Variants in SUSD4 observed in about 807,000 individuals in gnomAD.
SUSD4 encodes sushi domain containing 4.
SUSD4 carries 41 observed loss-of-function variants against 50.5 expected under a neutral mutation model. The ratio of observed to expected loss-of-function variants is 0.81; its 90% CI spans 0.63 to 1.05. SUSD4 has a LOEUF of 1.05. SUSD4 is among the 50% of genes least tolerant of loss of function. The pLI, the probability that SUSD4 is intolerant of heterozygous loss-of-function variation, is 0.00. For synonymous variants in SUSD4, 257 were observed against 257.3 expected (o/e 1.00, Z 0.01); for missense variants, 580 against 634.7 (o/e 0.91, Z 0.93).
At chr1:223,223,129 G>A in intron 8 of SUSD4, 120 bp downstream of exon 8, 1 of 1,385,290 alleles carries the variant, frequency 7.2e-7, no homozygotes. Flanking sequence ...TGAGTGAGAG[G>A]TAAACAGATT....
chr1:223,269,721 C>T (rs1450422950), intron 3 of SUSD4, among the ~76,000 whole-genome samples: 24 of 152,120 alleles, frequency 1.6e-4, no homozygotes, highest in Non-Finnish European at 1.5e-5. Flanking sequence ...AGGCAAAAAC[C>T]AAGAACAGCA....
intron 2 of SUSD4, among the ~76,000 whole-genome samples, chr1:223,328,568 A>G (rs1280816024): frequency 6.6e-6 from 1 of 152,216 alleles, no homozygotes; most frequent in African/African-American, 2.4e-5. Flanking sequence ...CCATTCAAGG[A>G]CACAGTATTA....
At chr1:223,248,200 G>T (rs1661069486) in intron 5 of SUSD4, among the ~76,000 whole-genome samples, 1 of 152,192 alleles carries the variant, frequency 6.6e-6, no homozygotes. Flanking sequence ...ACGGTCTCAA[G>T]TCTCAAGTTG....
chr1:223,279,770 C>A (rs1467605802), intron 3 of SUSD4, among the ~76,000 whole-genome samples: 1 of 151,906 alleles, frequency 6.6e-6, no homozygotes, highest in African/African-American at 2.4e-5. Flanking sequence ...AAGAGCAACT[C>A]CAAGACACAT....
chr1:223,361,242 G>A (rs1356193866), intron 2 of SUSD4, among the ~76,000 whole-genome samples: 1 of 152,062 alleles, frequency 6.6e-6, no homozygotes, highest in Non-Finnish European at 1.5e-5. Flanking sequence ...AACTCTATAG[G>A]ACATCCCCCA....
At chr1:223,236,893 G>C (rs1660260080) in intron 5 of SUSD4, among the ~76,000 whole-genome samples, 1 of 152,000 alleles carries the variant, frequency 6.6e-6, no homozygotes, top group African/African-American at 2.4e-5. Context: ...AAAATAACTT[G>C]CTGGAATTTT....
intron 2 of SUSD4, among the ~76,000 whole-genome samples, chr1:223,330,960 T>C (rs1667140427): frequency 6.6e-6 from 1 of 152,180 alleles, no homozygotes; most frequent in South Asian, 2.1e-4. Flanking sequence ...TTGGGACCTC[T>C]GTCCTAATAA....
intron 5 of SUSD4, among the ~76,000 whole-genome samples, chr1:223,249,753 T>C (rs1035188376): frequency 6.6e-6 from 1 of 152,236 alleles, no homozygotes; most frequent in Non-Finnish European, 1.5e-5. Context: ...TATCAGTATT[T>C]CTTAGTGTTC....
chr1:223,267,632 C>T (rs756113370), intron 4 of SUSD4, among the ~76,000 whole-genome samples: 104 of 152,034 alleles, frequency 6.8e-4, no homozygotes, highest in Non-Finnish European at 1.3e-3. Context: ...CAAGGGGTCA[C>T]GACTTTTAAG....
rs775035095 is a variant in SUSD4, at chr1:223,227,783, G to A, written c.917-45C>T. On this transcript the variant is annotated intron_variant, in intron 6 of 8. Coordinates refer to ENST00000366878, the MANE Select transcript of SUSD4 (RefSeq NM_017982.4). The surrounding 1 kb of genome is among the most constrained non-coding windows in gnomAD (Gnocchi z 4.5). ...GCTGTACGTGAGGCTCCCAGACCAT[G>A]AGAGGTGCCGAGGTTCCCCGTGGGC... is the stretch of plus-strand genomic sequence containing the variant. The A allele has an allele frequency of 1.9e-6, 3 of 1,556,926 alleles. No individual in the cohort carries two copies. Among genetic ancestry groups the A allele is most frequent in the Non-Finnish European group, 2.6e-6 (3 of 1,144,640 alleles).
intron 5 of SUSD4, among the ~76,000 whole-genome samples, chr1:223,261,264 T>A (rs1662099918): frequency 1.3e-5 from 2 of 152,240 alleles, no homozygotes; most frequent in Non-Finnish European, 2.9e-5. Flanking sequence ...ATTATTTTAT[T>A]GTTTTGCTTT....
In SUSD4 at chr1:223,222,194, A is replaced by G. The variant is rs937977925; in HGVS notation, c.1471T>C (p.Ter491GlnextTer7). The change falls in exon 9 of 9, where the codon TAA becomes CAA. Residue 491 changes from the stop codon to glutamine (Q), a stop_lost. Transcript: ENST00000366878. Reference protein sequence around the residue: ...DEIPLMEEDP* With the variant: ...DEIPLMEEDPQ ...AGTCATCTGGATCTTGACCCATATT[A>G]GGGATCTTCTTCCATTAGAGGAATC... 1.9e-6 allele frequency: 3 copies of G among 1,613,666 alleles called. No homozygotes were observed. The highest frequency in any genetic ancestry group is 2.5e-6 in the Non-Finnish European group (3 of 1,179,798).
chr1:223,325,178 A>G (rs1326816303), intron 2 of SUSD4, among the ~76,000 whole-genome samples: 2 of 152,230 alleles, frequency 1.3e-5, no homozygotes, highest in African/African-American at 4.8e-5. Context: ...CAAAGAAAAG[A>G]AAAACTTTGC....
intron 3 of SUSD4, among the ~76,000 whole-genome samples, chr1:223,288,311 C>T (rs1403565204): frequency 6.6e-6 from 1 of 152,150 alleles, no homozygotes; most frequent in Non-Finnish European, 1.5e-5. Context: ...CTTTGCTTCC[C>T]CTTCGCCTTC....
chr1:223,290,906 C>T (rs1664447430), intron 3 of SUSD4, among the ~76,000 whole-genome samples: 1 of 152,042 alleles, frequency 6.6e-6, no homozygotes, highest in African/African-American at 2.4e-5. Flanking sequence ...GTTTTTAAAG[C>T]ACTGGGTAAC....
At chr1:223,325,885 A>C (rs1028320030) in intron 2 of SUSD4, among the ~76,000 whole-genome samples, 4 of 152,218 alleles carry the variant, frequency 2.6e-5, no homozygotes, top group Admixed American at 2.6e-4. Flanking sequence ...ATAAACAAAC[A>C]GAAACATATC....
chr1:223,283,818 C>T (rs1663936842), intron 3 of SUSD4, among the ~76,000 whole-genome samples: 1 of 152,154 alleles, frequency 6.6e-6, no homozygotes, highest in African/African-American at 2.4e-5. Flanking sequence ...ATAGCAAAGA[C>T]TTGGAACCAA....
intron 5 of SUSD4, among the ~76,000 whole-genome samples, chr1:223,232,677 T>A (rs1483798847): frequency 6.6e-6 from 1 of 152,248 alleles, no homozygotes; most frequent in Admixed American, 6.5e-5. Flanking sequence ...CAAGAATTTC[T>A]GTACCATACA....
rs369249763 is a variant in SUSD4, at chr1:223,234,321, T to C, written c.725-4933A>G. On this transcript the variant is annotated intron_variant, in intron 5 of 8. Coordinates refer to ENST00000366878, the MANE Select transcript of SUSD4 (RefSeq NM_017982.4). ...CCCTCCCTCTGGCTATTTCCTCCTATGCAGATTTAATTCCAACACAAACAC... is the reference window on the plus strand; with the variant it reads ...CCCTCCCTCTGGCTATTTCCTCCTACGCAGATTTAATTCCAACACAAACAC... Among the ~76,000 whole-genome samples, 6 of 152,334 alleles carry C rather than the reference T, an allele frequency of 3.9e-5. No individual in the cohort carries two copies. In the South Asian group the frequency reaches 8.3e-4, roughly 21 times the overall value.
Sources: gnomAD v4.1 joint callset for allele counts (sites outside exome capture counted in the v4.1 genomes callset) on GRCh38, gnomAD v4.1.1 for gene constraint, Gnocchi (gnomAD v3.1) non-coding constraint, MANE v1.5 for transcripts, NCBI Gene and HGNC (gene_info 2026-07-23, HGNC 2026-07-21) for gene names.